BPIFA1: variants seen among roughly 807,000 people sequenced by gnomAD.
BPIFA1 encodes BPI fold-containing family A member 1.
In BPIFA1, 24 loss-of-function variants were observed where a neutral mutation model predicts 25.1. The observed-to-expected ratio is 0.96, with a 90% CI of 0.69 to 1.35. The LOEUF (loss-of-function observed/expected upper bound fraction) is 1.35, where lower values mean the gene tolerates loss of function less well. BPIFA1 is among the 40% of genes most tolerant of loss of function. The pLI, the probability that BPIFA1 is intolerant of heterozygous loss-of-function variation, is 0.00. For synonymous variants in BPIFA1, 139 were observed against 131.8 expected, an observed-to-expected ratio of 1.05 and a Z score of -0.37; for missense variants, 344 against 303.7, an observed-to-expected ratio of 1.13 and a Z score of -0.99.
chr20:33,236,971 A>C (rs776962334), intron 1 of BPIFA1, among the ~76,000 whole-genome samples: 8 of 152,114 alleles, frequency 5.3e-5, no homozygotes, highest in Non-Finnish European at 1.5e-5. Context: ...GCATCCACCA[A>C]CCATCATGGC....
intron 3 of BPIFA1, among the ~76,000 whole-genome samples, chr20:33,239,154 G>C (rs1978836747): frequency 6.6e-6 from 1 of 152,164 alleles, no homozygotes; most frequent in African/African-American, 2.4e-5. Flanking sequence ...TTCTCCTGGA[G>C]ACAACAGGGT....
intron 1 of BPIFA1, 78 bp downstream of exon 1, chr20:33,236,128 A>G (rs1399479200): frequency 6.6e-6 from 1 of 152,128 alleles, no homozygotes; most frequent in African/African-American, 2.4e-5. Flanking sequence ...TGGGGCAGTG[A>G]GTGATCTTGA....
chr20:33,240,025 C>A, intron 4 of BPIFA1, 115 bp downstream of exon 4: 1 of 1,347,328 alleles, frequency 7.4e-7, no homozygotes, highest in Non-Finnish European at 1.0e-6. Flanking sequence ...CCAACTTCAG[C>A]TCATTTGCTG....
chr20:33,242,181 G>GT (rs929899638), intron 7 of BPIFA1, 62 bp downstream of exon 7: 258 of 1,548,034 alleles, frequency 1.7e-4, no homozygotes, highest in Non-Finnish European at 2.0e-4. Context: ...CCCCCAAGGA[G>GT]TTTTTTCCCT....
At chr20:33,237,898 A>ATGTGTGTG (rs11468029) in intron 2 of BPIFA1, 27 bp downstream of exon 2, 28 of 1,188,520 alleles carry the variant, frequency 2.4e-5, no homozygotes, top group Admixed American at 7.7e-5. Flanking sequence ...GTATGTGTGC[A>ATGTGTGTG]TGTGTGTGTG....
chr20:33,241,432 T>A lies in BPIFA1; in HGVS notation c.629T>A (p.Ile210Asn). 6 of 1,614,142 alleles carry A rather than the reference T, an allele frequency of 3.7e-6. No homozygotes were observed. Among genetic ancestry groups the A allele is most frequent in the Non-Finnish European group, 5.1e-6 (6 of 1,180,012 alleles). ...IQGLLDSLTGILNKVLPELVQ... is the reference protein window; with the variant it reads ...IQGLLDSLTGNLNKVLPELVQ... Reference sequence around the variant, plus strand: ...GGTCTTCTGGACAGCCTCACAGGGATCTTGAATAAAGTCCTGCCTGAGTTG... The same window carrying A: ...GGTCTTCTGGACAGCCTCACAGGGAACTTGAATAAAGTCCTGCCTGAGTTG... Residue 210 changes from isoleucine (I) to asparagine (N), a missense_variant, in exon 6 of 9, where the codon ATC (isoleucine) becomes AAC (asparagine). Transcript: ENST00000354297.
intron 2 of BPIFA1, 26 bp downstream of exon 2, chr20:33,237,897 CATGTGTGT>C (rs1288977043): frequency 3.5e-5 from 44 of 1,268,196 alleles, no homozygotes; most frequent in African/African-American, 1.4e-4. Flanking sequence ...TGTATGTGTG[CATGTGTGT>C]GTGTGTGTGT....
Position 33,239,850 on chromosome 20 carries a change from G to T in BPIFA1, c.368G>T (p.Ser123Ile), listed in dbSNP as rs774941156. Residue 123 changes from serine (S) to isoleucine (I), a missense_variant, in exon 4 of 9, where the codon AGC (serine) becomes ATC (isoleucine). Coordinates refer to ENST00000354297, the MANE Select transcript of BPIFA1 (RefSeq NM_130852.3). ...PQLLELGLVQ[S>I]PDGHRLYVTI... ...CTGCTGGAACTTGGCCTTGTGCAGA[G>T]CCCTGATGGCCACCGTCTCTATGTC... The T allele has an allele frequency of 6.2e-7, 1 of 1,614,194 alleles. No homozygotes were observed.
rs753996528 is a variant in BPIFA1, at chr20:33,239,804, A to G, written c.322A>G (p.Ile108Val). The G allele has an allele frequency of 4.3e-6, 7 of 1,613,846 alleles. No homozygotes were observed. In the Admixed American group the frequency reaches 6.7e-5, roughly 15 times the overall value. The change falls in exon 4 of 9, where the codon ATA (isoleucine) becomes GTA (valine). Residue 108 changes from isoleucine (I) to valine (V), a missense_variant and splice_region_variant. By Grantham distance (29) the Ile-to-Val change is conservative. Transcript: ENST00000354297. The part of the protein sequence containing the change: ...VIPGLNNIID[I>V]KVTDPQLLEL... ...CCTCCAATATTACTCCCTGGACAGC[A>G]TAAAGGTCACTGACCCCCAGCTGCT...
intron 7 of BPIFA1, 32 bp from the exon 8 acceptor site, chr20:33,242,455 T>A: frequency 6.2e-7 from 1 of 1,612,904 alleles, no homozygotes; most frequent in Non-Finnish European, 8.5e-7. Flanking sequence ...ATAACTGTCG[T>A]CTGTTTTTTT....
In BPIFA1 at chr20:33,237,762, C is replaced by G; in HGVS notation, c.51C>G (p.Thr17=). 6.3e-7 allele frequency: 1 copy of G among 1,579,168 alleles called. No individual in the cohort carries two copies. Among genetic ancestry groups the G allele is most frequent in the East Asian group, 2.3e-5 (1 of 43,932 alleles). ...LIVFYGLLAQ[T]MAQFGGLPVP... is the part of the protein sequence containing the mutation. ...TCTTCTACGGGCTGTTAGCCCAGAC[C>G]ATGGCCCAGTTTGGAGGCCTGCCCG... is the stretch of plus-strand genomic sequence containing the variant. Residue 17 remains threonine (T), a synonymous_variant, in exon 2 of 9, where the codon ACC becomes ACG. Coordinates refer to ENST00000354297, the MANE Select transcript of BPIFA1 (RefSeq NM_130852.3).
intron 1 of BPIFA1, among the ~76,000 whole-genome samples, chr20:33,236,383 G>T (rs1352021786): frequency 6.6e-6 from 1 of 152,122 alleles, no homozygotes; most frequent in Non-Finnish European, 1.5e-5. Context: ...TTTTTTCTGA[G>T]ACTAGGATCT....
At chr20:33,239,949 C>A (rs369979063) in intron 4 of BPIFA1, 39 bp downstream of exon 4, 22 of 1,570,760 alleles carry the variant, frequency 1.4e-5, no homozygotes, top group East Asian at 2.2e-5. Flanking sequence ...GATGGCTCAC[C>A]GAGGGAGACC....
rs766679407 is a variant in BPIFA1, at chr20:33,239,929, G to T, written c.428+19G>T. On this transcript the variant is annotated intron_variant, in intron 4 of 8. Transcript: ENST00000354297. ...TGAATACGTGAGTGGGTCCCAAGAGGGGGTGAGAGGATGGCTCACCGAGGG... is the reference window on the plus strand; with the variant it reads ...TGAATACGTGAGTGGGTCCCAAGAGTGGGTGAGAGGATGGCTCACCGAGGG... 1 of 1,604,092 alleles carries T rather than the reference G, an allele frequency of 6.2e-7. No homozygotes were observed. Among genetic ancestry groups the T allele is most frequent in the South Asian group, 1.1e-5 (1 of 90,818 alleles).
At chr20:33,240,803 C>T (rs1295677157) in intron 5 of BPIFA1, among the ~76,000 whole-genome samples, 1 of 152,092 alleles carries the variant, frequency 6.6e-6, no homozygotes, top group Non-Finnish European at 1.5e-5. Flanking sequence ...AGAGGGCTTC[C>T]TGTGTGAACC....
chr20:33,240,193 G>C (rs748844198), intron 4 of BPIFA1, 40 bp from the exon 5 acceptor site: 1 of 1,606,072 alleles, frequency 6.2e-7, no homozygotes, highest in South Asian at 1.1e-5. Flanking sequence ...TCCTTGGAAT[G>C]TGGTGGAGCT....
rs1231983533 is a variant in BPIFA1 at position 33,239,795 on chromosome 20, C to G, written c.321-8C>G. The G allele has an allele frequency of 6.2e-7, 1 of 1,612,116 alleles. No individual in the cohort carries two copies. The highest frequency in any genetic ancestry group is 1.3e-5 in the African/African-American group (1 of 74,878). ...ATGTTTCCCCCTCCAATATTACTCC[C>G]TGGACAGCATAAAGGTCACTGACCC... On this transcript the variant is annotated splice_region_variant and splice_polypyrimidine_tract_variant and intron_variant, in intron 3 of 8. Coordinates refer to ENST00000354297, the MANE Select transcript of BPIFA1 (RefSeq NM_130852.3).
At chr20:33,242,265 C>A in intron 7 of BPIFA1, 146 bp downstream of exon 7, 1 of 1,006,184 alleles carries the variant, frequency 9.9e-7, no homozygotes, top group Non-Finnish European at 1.5e-6. Flanking sequence ...CCGAATAATC[C>A]AGATAATTTT....
intron 4 of BPIFA1, 22 bp from the exon 5 acceptor site, chr20:33,240,211 A>G: frequency 1.2e-6 from 2 of 1,611,986 alleles, no homozygotes; most frequent in Non-Finnish European, 1.7e-6. Context: ...GCTAGATACC[A>G]GTGGGGCTGT....
Sources: gnomAD v4.1 joint callset for allele counts (sites outside exome capture counted in the v4.1 genomes callset) on GRCh38, gnomAD v4.1.1 for gene constraint, MANE v1.5 for transcripts, NCBI Gene and HGNC (gene_info 2026-07-23, HGNC 2026-07-21) for gene names.